The following PLG variants were observed in gnomAD, a reference collection of about 807,000 sequenced individuals.
PLG encodes plasminogen.
A neutral mutation model predicts 104.4 loss-of-function variants in PLG; 41 were observed. The observed-to-expected ratio is 0.39, with a 90% CI of 0.31 to 0.51. PLG has a LOEUF of 0.51. Among genes scored for constraint, PLG ranks in the 20% least tolerant of loss-of-function variants. PLG has a pLI of 0.76. For missense variants in PLG, 891 were observed against 1,003.6 expected, an observed-to-expected ratio of 0.89 and a Z score of 1.52; for synonymous variants, 337 against 357.1, an observed-to-expected ratio of 0.94 and a Z score of 0.63.
rs181010511 is a variant in PLG, at chr6:160,753,556, T to C, written c.*495T>C. On this transcript the variant is annotated 3_prime_UTR_variant, in exon 19 of 19. Transcript: ENST00000308192. The surrounding 1 kb of genome is among the most constrained non-coding windows in gnomAD (Gnocchi z 5.4). ...TCAAAGCTGCAACATGTATGGGGAG[T>C]CATGCAAACCGATTCTGTTATTGGG... Among the ~76,000 whole-genome samples, 1 of 152,110 alleles carries C rather than the reference T, an allele frequency of 6.6e-6. No individual in the cohort carries two copies. The highest frequency in any genetic ancestry group is 1.5e-5 in the Non-Finnish European group (1 of 68,006).
At position 160,722,560 on chromosome 6, in the gene PLG, C is replaced by T; in HGVS notation, c.1249C>T (p.Pro417Ser). 1.2e-6 allele frequency: 2 copies of T among 1,613,604 alleles called. No homozygotes were observed. Among genetic ancestry groups the T allele is most frequent in the Non-Finnish European group, 1.7e-6 (2 of 1,179,604 alleles). ...GCACCAGAAGACCCCAGAAAACTAC[C>T]CAAATGCGTATGTCTTTGATTTTTA... is the stretch of plus-strand genomic sequence containing the variant. ...HRHQKTPENYPNAGLTMNYCR... is the reference protein window; with the variant it reads ...HRHQKTPENYSNAGLTMNYCR... Residue 417 changes from proline to serine, a missense_variant, in exon 10 of 19, where the codon CCA becomes TCA. By Grantham distance (74) the Pro-to-Ser change is moderately conservative. Transcript: ENST00000308192.
In PLG at chr6:160,741,377, C is replaced by G; in HGVS notation, c.2085C>G (p.Asp695Glu). Residue 695 changes from aspartate to glutamate, a missense_variant, in exon 17 of 19, where the codon GAC (aspartate) becomes GAG (glutamate). Asp to Glu is a conservative substitution (Grantham distance 45, BLOSUM62 2). Coordinates refer to ENST00000308192, the MANE Select transcript of PLG (RefSeq NM_000301.5). The surrounding 1 kb of genome is among the most constrained non-coding windows in gnomAD (Gnocchi z 4.7). The part of the protein sequence containing the change: ...CLPSPNYVVA[D>E]RTECFITGWG... ...CATCCCCAAATTATGTGGTCGCTGA[C>G]CGGACCGAATGTTTCATCACTGGCT... The G allele has an allele frequency of 1.9e-6, 3 of 1,613,366 alleles. No individual in the cohort carries two copies. Among genetic ancestry groups the G allele is most frequent in the Non-Finnish European group, 2.5e-6 (3 of 1,179,232 alleles).
chr6:160,747,238 T>A (rs1345799155), intron 17 of PLG, among the ~76,000 whole-genome samples: 2 of 152,148 alleles, frequency 1.3e-5, no homozygotes, highest in Non-Finnish European at 2.9e-5. Context: ...TGGCATTTGG[T>A]ATTGGTTGAT....
Position 160,753,490 on chromosome 6 carries a change from C to T in PLG, c.*429C>T, listed in dbSNP as rs1364218743. On this transcript the variant is annotated 3_prime_UTR_variant, in exon 19 of 19. Coordinates refer to ENST00000308192, the MANE Select transcript of PLG (RefSeq NM_000301.5). This position sits in a 1 kb window ranked among gnomAD's most constrained non-coding sequence, Gnocchi z 5.4. ...CATCAGCTAACGAGGGCTTGACATGCATTTTTACTGTCTTTATTCCTGACA... is the reference window on the plus strand; with the variant it reads ...CATCAGCTAACGAGGGCTTGACATGTATTTTTACTGTCTTTATTCCTGACA... 1.3e-5 allele frequency among the ~76,000 whole-genome samples: 2 copies of T among 152,190 alleles called. No individual in the cohort carries two copies. The highest frequency in any genetic ancestry group is 2.9e-5 in the Non-Finnish European group (2 of 68,040).
Position 160,714,896 on chromosome 6 carries a change from A to G in PLG, c.650A>G (p.His217Arg). The change falls in exon 6 of 19, where the codon CAT becomes CGT. Residue 217 changes from histidine (H) to arginine (R), a missense_variant. His to Arg is a conservative substitution (Grantham distance 29). Around this residue, in one of 2 missense-constraint regions of PLG, gnomAD observed 854 missense variants for 932.1 expected, o/e 0.92. Transcript: ENST00000308192. ...TGGGACTCTCAGAGCCCACACGCTC[A>G]TGGATACATTCCTTCCAAGTAAGTC... The part of the protein sequence containing the change: ...QAWDSQSPHA[H>R]GYIPSKFPNK... The G allele has an allele frequency of 6.2e-7, 1 of 1,613,920 alleles. No homozygotes were observed. The highest frequency in any genetic ancestry group is 8.5e-7 in the Non-Finnish European group (1 of 1,179,828).
At chr6:160,729,968 T>C (rs1777973631) in intron 10 of PLG, among the ~76,000 whole-genome samples, 1 of 152,238 alleles carries the variant, frequency 6.6e-6, no homozygotes, top group African/African-American at 2.4e-5. Context: ...ATGAACTTCC[T>C]CAAATGGGGT....
At chr6:160,718,610 T>TC in intron 8 of PLG, 83 bp from the exon 9 acceptor site, 1 of 1,480,328 alleles carries the variant, frequency 6.8e-7, no homozygotes, top group African/African-American at 1.4e-5. Flanking sequence ...GCACGTTTTT[T>TC]CCCGTAACGG....
rs1351016165 is a variant in PLG at position 160,752,511 on chromosome 6, C to T, written c.2271+251C>T. Among the ~76,000 whole-genome samples, 1 of 152,148 alleles carries T rather than the reference C, an allele frequency of 6.6e-6. No homozygotes were observed. Among genetic ancestry groups the T allele is most frequent in the Non-Finnish European group, 1.5e-5 (1 of 68,030 alleles). On this transcript the variant is annotated intron_variant, in intron 18 of 18. Coordinates refer to ENST00000308192, the MANE Select transcript of PLG (RefSeq NM_000301.5). This position sits in a 1 kb window ranked among gnomAD's most constrained non-coding sequence, Gnocchi z 4.7. ...GCCATAACTACCTCAGGCCACTCAC[C>T]CTCCTGGGGTGTGCTGGTGGCCAGG...
chr6:160,708,251 A>G (rs903677069), intron 3 of PLG: 6 of 155,022 alleles, frequency 3.9e-5, no homozygotes, highest in East Asian at 1.9e-4. Flanking sequence ...TTAGATTGGG[A>G]CACAAATCTT....
rs543401179 is a variant in PLG, at chr6:160,733,831, C to G, written c.1588-164C>G. Among the ~76,000 whole-genome samples, 156 of 92,748 alleles carry G rather than the reference C, an allele frequency of 1.7e-3. 2 individuals are homozygous for G. The highest frequency in any genetic ancestry group is 6.0e-3 in the African/African-American group (146 of 24,464). 60.8% of individuals were successfully genotyped at this position (92,748 alleles called of 152,430 possible). A position where few individuals can be genotyped will look rare whatever the true frequency, so the allele number is the denominator to read the frequency against. On this transcript the variant is annotated intron_variant, in intron 12 of 18. Coordinates refer to ENST00000308192, the MANE Select transcript of PLG (RefSeq NM_000301.5). Reference sequence around the variant, plus strand: ...TGCACTCCAGCCTGGGCGACAAGAGCAAAACTCCACCTCAGAAAAAAAAAA... The same window carrying G: ...TGCACTCCAGCCTGGGCGACAAGAGGAAAACTCCACCTCAGAAAAAAAAAA...
chr6:160,721,963 C>T (rs1169384345), intron 9 of PLG, among the ~76,000 whole-genome samples: 1 of 152,230 alleles, frequency 6.6e-6, no homozygotes, highest in Non-Finnish European at 1.5e-5. Context: ...GGACCATCTC[C>T]TGCCCTATCA....
At chr6:160,714,499 G>A (rs112141552) in intron 5 of PLG, among the ~76,000 whole-genome samples, 17 of 152,286 alleles carry the variant, frequency 1.1e-4, no homozygotes, top group African/African-American at 2.4e-4. Context: ...TGTGCATCCC[G>A]GTCTAAGGAC....
At position 160,752,264 on chromosome 6, in the gene PLG, A is replaced by T; in HGVS notation, c.2271+4A>T. The T allele has an allele frequency of 1.2e-6, 2 of 1,613,716 alleles. No homozygotes were observed. The highest frequency in any genetic ancestry group is 1.7e-6 in the Non-Finnish European group (2 of 1,179,620). On this transcript the variant is annotated splice_donor_region_variant and intron_variant, in intron 18 of 18. Transcript: ENST00000308192. This position sits in a 1 kb window ranked among gnomAD's most constrained non-coding sequence, Gnocchi z 4.7. The stretch of plus-strand genomic sequence containing the variant: ...CGGAGGCACTGACAGTTGCCAGGTA[A>T]GCAAAGATCAAGAGACCAAAGTTAG...
At chr6:160,722,359 C>CT (rs4252118) in intron 9 of PLG, 49 bp from the exon 10 acceptor site, 134 of 1,444,156 alleles carry the variant, frequency 9.3e-5, no homozygotes, top group Non-Finnish European at 1.1e-4. Flanking sequence ...CTTCATGCTT[C>CT]TTTTTTTTCA....
chr6:160,738,926 C>A lies in PLG; in HGVS notation c.1878-142C>A. 1 of 943,926 alleles carries A rather than the reference C, an allele frequency of 1.1e-6. No homozygotes were observed. The highest frequency in any genetic ancestry group is 1.7e-6 in the Non-Finnish European group (1 of 581,334). The allele number at this position is 943,926 out of a possible 1,614,324, so 58.5% of individuals were successfully genotyped here. On this transcript the variant is annotated intron_variant, in intron 15 of 18. Coordinates refer to ENST00000308192, the MANE Select transcript of PLG (RefSeq NM_000301.5). The surrounding 1 kb of genome is among the most constrained non-coding windows in gnomAD (Gnocchi z 6.8). ...CCTTAACTGCCTGTTTCAAGCAAAT[C>A]ATGAATTTTGCTTCTTGCCACTCAG...
intron 5 of PLG, 95 bp from the exon 6 acceptor site, chr6:160,714,699 C>A: frequency 1.6e-6 from 2 of 1,269,366 alleles, no homozygotes; most frequent in Non-Finnish European, 2.3e-6. Flanking sequence ...GCAAGTCGCA[C>A]TTAAGTGAGT....
At chr6:160,727,993 T>C (rs1777945087) in intron 10 of PLG, among the ~76,000 whole-genome samples, 1 of 151,838 alleles carries the variant, frequency 6.6e-6, no homozygotes, top group South Asian at 2.1e-4. Context: ...AGAAAGGGCC[T>C]AAAGTTTGGA....
At position 160,753,454 on chromosome 6, in the gene PLG, C is replaced by T. The variant is rs1778442119; in HGVS notation, c.*393C>T. The T allele has an allele frequency of 1.8e-5, 6 of 339,328 alleles. No individual in the cohort carries two copies. The highest frequency in any genetic ancestry group is 5.1e-5 in the South Asian group (2 of 39,040). 21.0% of individuals were successfully genotyped at this position (339,328 alleles called of 1,614,324 possible). On this transcript the variant is annotated 3_prime_UTR_variant, in exon 19 of 19. Transcript: ENST00000308192. This position sits in a 1 kb window ranked among gnomAD's most constrained non-coding sequence, Gnocchi z 5.4. Reference sequence around the variant, plus strand: ...GAGGGGAGAGCCAAGAAGTTGTCCACGCATTTACCTCATCAGCTAACGAGG... The same window carrying T: ...GAGGGGAGAGCCAAGAAGTTGTCCATGCATTTACCTCATCAGCTAACGAGG...
intron 10 of PLG, 96 bp downstream of exon 10, chr6:160,722,663 C>A: frequency 1.8e-6 from 2 of 1,108,190 alleles, no homozygotes; most frequent in Non-Finnish European, 2.8e-6. Flanking sequence ...TTCCTAGGAC[C>A]AAATTTCTCT....
Sources: gnomAD v4.1 joint callset for allele counts (sites outside exome capture counted in the v4.1 genomes callset) on GRCh38, gnomAD v4.1.1 for gene constraint, gnomAD v4.1.1 regional missense constraint, Gnocchi (gnomAD v3.1) non-coding constraint, MANE v1.5 for transcripts, NCBI Gene and HGNC (gene_info 2026-07-23, HGNC 2026-07-21) for gene names.